The following LRRC4C variants were observed in gnomAD, a reference collection of about 807,000 sequenced individuals.
The protein encoded by LRRC4C is leucine rich repeat containing 4C, also known as leucine-rich repeat-containing protein 4C.
LRRC4C carries 5 observed loss-of-function variants against 33.6 expected under a neutral mutation model. That is an observed-to-expected ratio of 0.15 (90% CI 0.08 to 0.31). The LOEUF (loss-of-function observed/expected upper bound fraction) is 0.31, where lower values mean the gene tolerates loss of function less well. LRRC4C is among the 10% of genes least tolerant of loss of function. The probability of loss-of-function intolerance (pLI) is 1.00; values close to 1 mark genes in which losing one functional copy is unlikely to be tolerated. For synonymous variants in LRRC4C, 329 were observed against 302.0 expected, an observed-to-expected ratio of 1.09 and a Z score of -0.93; for missense variants, 560 against 796.7, an observed-to-expected ratio of 0.70 and a Z score of 3.58.
At chr11:40,461,495 C>T (rs964058261) in intron 3 of LRRC4C, among the ~76,000 whole-genome samples, 1 of 151,930 alleles carries the variant, frequency 6.6e-6, no homozygotes, top group African/African-American at 2.4e-5. Context: ...TAAGTTAATG[C>T]AACTAAAGTG....
intron 1 of LRRC4C, among the ~76,000 whole-genome samples, chr11:41,171,891 C>A (rs957683226): frequency 6.6e-6 from 1 of 151,868 alleles, no homozygotes; most frequent in African/African-American, 2.4e-5. Context: ...ACTGAACGAC[C>A]ACCAGGCCAG....
intron 1 of LRRC4C, among the ~76,000 whole-genome samples, chr11:41,124,726 C>A (rs1161165348): frequency 6.6e-6 from 1 of 152,056 alleles, no homozygotes; most frequent in Non-Finnish European, 1.5e-5. Context: ...TTTATTATTT[C>A]TTTCACTCAG....
chr11:40,716,493 T>C (rs7103316), intron 2 of LRRC4C, among the ~76,000 whole-genome samples: 212 of 152,178 alleles, frequency 1.4e-3, no homozygotes, highest in African/African-American at 4.9e-3. Context: ...TTGCTTCACT[T>C]TTGGGCCTCT....
intron 1 of LRRC4C, among the ~76,000 whole-genome samples, chr11:41,443,120 A>T (rs1001952): frequency 1.6e-5 from 2 of 124,734 alleles, no homozygotes; most frequent in African/African-American, 3.0e-5. Context: ...GCTTCAACAT[A>T]GGTGCAAATC....
rs943628784 is a variant in LRRC4C at position 40,246,117 on chromosome 11, G to A, written c.-175-4519C>T. ...GCCTCCCAAGTAGCTGGGACTACAG[G>A]TGTCCGCCACCACACCTGGCTAATT... On this transcript the variant is annotated intron_variant, in intron 4 of 6. Transcript: ENST00000528697. 1.3e-4 allele frequency among the ~76,000 whole-genome samples: 19 copies of A among 151,990 alleles called. 1 individual carries two copies. The highest frequency in any genetic ancestry group is 4.3e-4 in the African/African-American group (18 of 41,464).
At chr11:40,724,192 C>T (rs981533897) in intron 2 of LRRC4C, among the ~76,000 whole-genome samples, 3 of 152,134 alleles carry the variant, frequency 2.0e-5, no homozygotes, top group Non-Finnish European at 4.4e-5. Flanking sequence ...CAGCGTTAGA[C>T]AGATCACTGA....
chr11:40,723,671 AC>A (rs1203963951), intron 2 of LRRC4C, among the ~76,000 whole-genome samples: 2 of 152,118 alleles, frequency 1.3e-5, no homozygotes, highest in African/African-American at 2.4e-5. Flanking sequence ...TAAGTACATT[AC>A]CCACAGACTC....
intron 2 of LRRC4C, among the ~76,000 whole-genome samples, chr11:40,866,954 T>G (rs1337487025): frequency 1.3e-5 from 2 of 152,080 alleles, no homozygotes; most frequent in African/African-American, 4.8e-5. Context: ...TGTTCCTTCG[T>G]CTTTCCTCAT....
intron 3 of LRRC4C, among the ~76,000 whole-genome samples, chr11:40,466,778 T>G (rs1952673327): frequency 6.6e-6 from 1 of 152,044 alleles, no homozygotes; most frequent in South Asian, 2.1e-4. Flanking sequence ...GATATTTTAC[T>G]GTTACATTCA....
intron 1 of LRRC4C, among the ~76,000 whole-genome samples, chr11:41,000,057 C>A (rs1312724238): frequency 2.6e-5 from 4 of 152,000 alleles, no homozygotes; most frequent in African/African-American, 9.7e-5. Context: ...TTGTAAAAAA[C>A]CTTGCATGCT....
At chr11:40,980,158 T>C (rs186582930) in intron 1 of LRRC4C, among the ~76,000 whole-genome samples, 210 of 152,238 alleles carry the variant, frequency 1.4e-3, no homozygotes, top group African/African-American at 4.7e-3. Flanking sequence ...CCATTATAAT[T>C]TGGACAATCA....
intron 1 of LRRC4C, among the ~76,000 whole-genome samples, chr11:41,240,472 C>G (rs545401271): frequency 6.6e-6 from 1 of 152,152 alleles, no homozygotes; most frequent in Admixed American, 6.5e-5. Flanking sequence ...AAAGAACAAC[C>G]AAGAGAAAGA....
At chr11:40,846,204 T>A (rs1953160926) in intron 2 of LRRC4C, among the ~76,000 whole-genome samples, 1 of 152,184 alleles carries the variant, frequency 6.6e-6, no homozygotes, top group African/African-American at 2.4e-5. Flanking sequence ...TTGCCTATTT[T>A]GGCTTTTGTT....
At chr11:41,320,574 A>AATG (rs2137267429) in intron 1 of LRRC4C, among the ~76,000 whole-genome samples, 2 of 152,314 alleles carry the variant, frequency 1.3e-5, no homozygotes, top group Non-Finnish European at 2.9e-5. Flanking sequence ...TGTTATGAAA[A>AATG]ATGACTCTTT....
intron 3 of LRRC4C, among the ~76,000 whole-genome samples, chr11:40,396,025 A>G (rs754479839): frequency 2.0e-5 from 3 of 152,000 alleles, no homozygotes; most frequent in Admixed American, 6.6e-5. Flanking sequence ...CCTGAGACCT[A>G]CACTCAGATA....
chr11:40,534,280 T>G (rs7105394), intron 3 of LRRC4C, among the ~76,000 whole-genome samples: 13,390 of 152,176 alleles, frequency 0.088, 1,671 homozygotes, highest in African/African-American at 0.28. Flanking sequence ...AAATTATCAT[T>G]TCTTCACTAA....
intron 2 of LRRC4C, among the ~76,000 whole-genome samples, chr11:40,824,275 G>A (rs1952065145): frequency 6.6e-6 from 1 of 151,722 alleles, no homozygotes; most frequent in Admixed American, 6.6e-5. Context: ...TTTCTAATTT[G>A]TGAATTTTAT....
intron 1 of LRRC4C, among the ~76,000 whole-genome samples, chr11:41,431,156 C>T (rs1354880833): frequency 6.6e-6 from 1 of 151,814 alleles, no homozygotes; most frequent in African/African-American, 2.4e-5. Context: ...GTATAAACAC[C>T]ATTTGCTTCA....
intron 1 of LRRC4C, among the ~76,000 whole-genome samples, chr11:41,142,696 C>CA (rs113400238): frequency 6.2e-4 from 93 of 149,484 alleles, no homozygotes; most frequent in African/African-American, 1.6e-3. Flanking sequence ...CCTCTGATAA[C>CA]AAAAAAAAAG....
Sources: allele counts gnomAD v4.1 joint callset (sites outside exome capture counted in the v4.1 genomes callset), GRCh38; gene constraint gnomAD v4.1.1; transcripts MANE v1.5; gene names NCBI Gene and HGNC (gene_info 2026-07-23, HGNC 2026-07-21).